Variants in ZNF85 observed in about 807,000 individuals in gnomAD.
The protein encoded by ZNF85 is zinc finger protein 85, also known as zinc finger protein 85 (HPF4, HTF1).
ZNF85 carries 50 observed loss-of-function variants against 53.9 expected under a neutral mutation model. The observed-to-expected ratio is 0.93, with a 90% confidence interval of 0.74 to 1.17. The LOEUF (loss-of-function observed/expected upper bound fraction) is 1.17. Among genes scored for constraint, ZNF85 ranks in the 50% most tolerant of loss-of-function variants. The pLI is 0.00. For synonymous variants in ZNF85, 225 were observed against 226.1 expected, an observed-to-expected ratio of 1.00 and a Z score of 0.04; for missense variants, 747 against 688.5, an observed-to-expected ratio of 1.08 and a Z score of -0.95.
rs777283472 is a variant in ZNF85 at position 20,934,079 on chromosome 19, G to C, written c.59G>C (p.Cys20Ser). The C allele has an allele frequency of 1.9e-5, 31 of 1,612,492 alleles. No homozygotes were observed. In the African/African-American group the frequency reaches 3.7e-4, roughly 19 times the overall value. Reference protein sequence around the residue: ...AIEFSLKEWQCLDTAQRNLYR... With the variant: ...AIEFSLKEWQSLDTAQRNLYR... ...GAATTCTCTCTGAAGGAGTGGCAAT[G>C]CCTGGACACTGCACAGCGGAATTTA... The change falls in exon 2 of 4, where the codon TGC (cysteine) becomes TCC (serine). Residue 20 changes from cysteine to serine, a missense_variant. Cys to Ser is a moderately radical substitution (Grantham distance 112). Coordinates refer to ENST00000328178, the MANE Select transcript of ZNF85 (RefSeq NM_003429.5).
At chr19:20,923,887 T>G (rs528436602) in intron 1 of ZNF85, among the ~76,000 whole-genome samples, 11 of 152,100 alleles carry the variant, frequency 7.2e-5, no homozygotes, top group African/African-American at 2.4e-4. Context: ...TTCAAGACCA[T>G]CCTGGCCAAC....
chr19:20,934,045 G>A lies in ZNF85; in HGVS notation c.25G>A (p.Val9Met). The A allele has an allele frequency of 1.2e-6, 2 of 1,611,212 alleles. No homozygotes were observed. The highest frequency in any genetic ancestry group is 8.5e-7 in the Non-Finnish European group (1 of 1,178,518). Reference sequence around the variant, plus strand: ...TCAGGGACCATTGACATTTAGGGATGTGGCCATAGAATTCTCTCTGAAGGA... The same window carrying A: ...TCAGGGACCATTGACATTTAGGGATATGGCCATAGAATTCTCTCTGAAGGA... MGPLTFRD[V>M]AIEFSLKEWQ... The change falls in exon 2 of 4, where the codon GTG becomes ATG. Residue 9 changes from valine (V) to methionine (M), a missense_variant. By Grantham distance (21) the Val-to-Met change is conservative. Transcript: ENST00000328178.
chr19:20,938,584 A>G (rs1021976125), intron 3 of ZNF85, among the ~76,000 whole-genome samples: 3 of 151,910 alleles, frequency 2.0e-5, no homozygotes, highest in Admixed American at 6.6e-5. Context: ...TTTTCTTTCT[A>G]TTTTCCATTT....
rs376930285 is a variant in ZNF85, at chr19:20,938,179, C to T, written c.229+3132C>T. Among the ~76,000 whole-genome samples the T allele has an allele frequency of 4.6e-5, 7 of 152,240 alleles. 1 individual carries two copies. The South Asian group carries it at 8.3e-4, about 18-fold the overall frequency. ...TCTCCTCCTGGGTTTAAGTGATTATCGTGCCTCAGCCTCCTAAGTAGCTAA... is the reference window on the plus strand; with the variant it reads ...TCTCCTCCTGGGTTTAAGTGATTATTGTGCCTCAGCCTCCTAAGTAGCTAA... On this transcript the variant is annotated intron_variant, in intron 3 of 3. Coordinates refer to ENST00000328178, the MANE Select transcript of ZNF85 (RefSeq NM_003429.5).
At chr19:20,944,160 T>A in intron 3 of ZNF85, 1 of 157,036 alleles carries the variant, frequency 6.4e-6, no homozygotes, top group Non-Finnish European at 1.4e-5. Context: ...AATAGTTTTT[T>A]ATTTATATAT....
At chr19:20,923,506 A>G (rs1020109184) in intron 1 of ZNF85, 103 bp downstream of exon 1, 22 of 1,580,556 alleles carry the variant, frequency 1.4e-5, no homozygotes, top group African/African-American at 6.7e-5. Context: ...CAGCTCCACA[A>G]TCTGCGCTCC....
rs144873532 is a variant in ZNF85, at chr19:20,932,769, G to T, written c.4-1255G>T. ...AATTACTATTACAAATTATAGACAG[G>T]GAAGATATCTGTATCCTGAACTTTG... On this transcript the variant is annotated intron_variant, in intron 1 of 3. Transcript: ENST00000328178. Among the ~76,000 whole-genome samples the T allele has an allele frequency of 3.6e-3, 541 of 152,180 alleles. 2 individuals carry two copies. Among genetic ancestry groups the T allele is most frequent in the Non-Finnish European group, 5.7e-3 (389 of 68,004 alleles).
chr19:20,941,404 A>T (rs971514435), intron 3 of ZNF85, among the ~76,000 whole-genome samples: 2 of 152,146 alleles, frequency 1.3e-5, no homozygotes, highest in African/African-American at 4.8e-5. Context: ...CTGGGATTAC[A>T]GGCACATGCC....
chr19:20,925,698 T>A (rs1344655528), intron 1 of ZNF85, among the ~76,000 whole-genome samples: 1 of 152,038 alleles, frequency 6.6e-6, no homozygotes, highest in Non-Finnish European at 1.5e-5. Flanking sequence ...GGTTGGTCAT[T>A]GAGAACTTTA....
chr19:20,942,728 A>G, intron 3 of ZNF85: 1 of 638,774 alleles, frequency 1.6e-6, no homozygotes, highest in Middle Eastern at 2.4e-4. Flanking sequence ...AGTTTTGGTC[A>G]GAAAACACAC....
chr19:20,950,663 T>C lies in ZNF85; in HGVS notation c.*361T>C, dbSNP rs1973562966. The stretch of plus-strand genomic sequence containing the variant: ...ATATCTGCTCACATCTTACTCAGCA[T>C]CAGAAAGTACTTAATAAAAGCATTA... On this transcript the variant is annotated 3_prime_UTR_variant, in exon 4 of 4. Transcript: ENST00000328178. The C allele has an allele frequency of 5.8e-6, 1 of 173,186 alleles. No homozygotes were observed. Among genetic ancestry groups the C allele is most frequent in the Non-Finnish European group, 1.2e-5 (1 of 82,670 alleles). 10.7% of individuals were successfully genotyped at this position (173,186 alleles called of 1,614,324 possible).
At chr19:20,943,623 T>G (rs1056113575) in intron 3 of ZNF85, 1 of 152,160 alleles carries the variant, frequency 6.6e-6, no homozygotes, top group South Asian at 2.1e-4. Flanking sequence ...TTCTGTAACG[T>G]TGTCTAAGTT....
intron 3 of ZNF85, among the ~76,000 whole-genome samples, chr19:20,938,850 A>ATGTG (rs145473574): frequency 0.014 from 1,933 of 141,060 alleles, 32 homozygotes; most frequent in African/African-American, 0.044. Flanking sequence ...ATTCTGCTAT[A>ATGTG]TGTGTGTGTG....
At chr19:20,924,009 C>G (rs1259501521) in intron 1 of ZNF85, among the ~76,000 whole-genome samples, 1 of 150,992 alleles carries the variant, frequency 6.6e-6, no homozygotes, top group African/African-American at 2.4e-5. Flanking sequence ...CGCTTGAACC[C>G]GGGAGGCGGA....
chr19:20,937,110 G>A (rs1973176810), intron 3 of ZNF85: 2 of 262,698 alleles, frequency 7.6e-6, no homozygotes, highest in Non-Finnish European at 1.5e-5. Flanking sequence ...TCGGCTCACT[G>A]CAACCTCCGC....
chr19:20,927,393 T>C (rs1192104579), intron 1 of ZNF85: 1 of 151,638 alleles, frequency 6.6e-6, no homozygotes, highest in African/African-American at 2.4e-5. Flanking sequence ...GTGGAGGTTG[T>C]TGTGAGCTGT....
At position 20,934,102 on chromosome 19, in the gene ZNF85, T is replaced by G. The variant is rs1277171474; in HGVS notation, c.82T>G (p.Leu28Val). Residue 28 changes from leucine (L) to valine (V), a missense_variant, in exon 2 of 4, where the codon TTA becomes GTA. Leu to Val is a conservative substitution (Grantham distance 32). Coordinates refer to ENST00000328178, the MANE Select transcript of ZNF85 (RefSeq NM_003429.5). Reference sequence around the variant, plus strand: ...ATGCCTGGACACTGCACAGCGGAATTTATATAGAAATGTGATGTTAGAGAA... The same window carrying G: ...ATGCCTGGACACTGCACAGCGGAATGTATATAGAAATGTGATGTTAGAGAA... Reference protein sequence around the residue: ...WQCLDTAQRNLYRNVMLENYR... With the variant: ...WQCLDTAQRNVYRNVMLENYR... 1.2e-6 allele frequency: 2 copies of G among 1,611,914 alleles called. No individual in the cohort carries two copies. The highest frequency in any genetic ancestry group is 2.7e-5 in the African/African-American group (2 of 74,932).
In ZNF85 at chr19:20,948,754, T is replaced by G; in HGVS notation, c.240T>G (p.Ser80=). The G allele has an allele frequency of 6.4e-7, 1 of 1,554,104 alleles. No homozygotes were observed. The highest frequency in any genetic ancestry group is 8.7e-7 in the Non-Finnish European group (1 of 1,154,300). ...IMVAKPTVMC[S]HFAQDLWPEQ... Reference sequence around the variant, plus strand: ...TTTTGTTTCTTTCAGTTATGTGTTCTCATTTTGCCCAAGACCTTTGGCCGG... The same window carrying G: ...TTTTGTTTCTTTCAGTTATGTGTTCGCATTTTGCCCAAGACCTTTGGCCGG... Residue 80 remains serine (S), a synonymous_variant, in exon 4 of 4, where the codon TCT becomes TCG. Transcript: ENST00000328178.
intron 3 of ZNF85, chr19:20,944,062 ATT>A: frequency 3.5e-6 from 1 of 288,592 alleles, no homozygotes; most frequent in Non-Finnish European, 5.2e-6. Context: ...ACAGATTTAT[ATT>A]TTGTTTTTCA....
Sources: gnomAD v4.1 joint callset for allele counts (sites outside exome capture counted in the v4.1 genomes callset) on GRCh38, gnomAD v4.1.1 for gene constraint, MANE v1.5 for transcripts, NCBI Gene and HGNC (gene_info 2026-07-23, HGNC 2026-07-21) for gene names.